Variants in AKR1C3 observed in about 807,000 individuals in gnomAD.
AKR1C3 encodes the protein aldo-keto reductase family 1 member C3.
In AKR1C3, 48 loss-of-function variants were observed where a neutral mutation model predicts 43.6. The ratio of observed to expected loss-of-function variants is 1.10; its 90% CI spans 0.87 to 1.40. The LOEUF (loss-of-function observed/expected upper bound fraction) is 1.40. Ranked by LOEUF, AKR1C3 falls within the 40% of genes most tolerant of loss-of-function variation. AKR1C3 has a pLI of 0.00. For synonymous variants in AKR1C3, 162 were observed against 139.6 expected, an observed-to-expected ratio of 1.16 and a Z score of -1.13; for missense variants, 482 against 391.2, an observed-to-expected ratio of 1.23 and a Z score of -1.96.
At chr10:5,102,259 T>C in intron 6 of AKR1C3, 49 bp downstream of exon 6, 1 of 1,588,714 alleles carries the variant, frequency 6.3e-7, no homozygotes, top group Non-Finnish European at 8.6e-7. Flanking sequence ...TTGCAGAAAA[T>C]TTTTTAGTCA....
intron 1 of AKR1C3, among the ~76,000 whole-genome samples, chr10:5,067,837 T>C (rs1244685406): frequency 1.3e-5 from 2 of 152,170 alleles, no homozygotes; most frequent in Admixed American, 6.5e-5. Context: ...GAACTTTTAA[T>C]AATAAATGCT....
In AKR1C3 at chr10:5,051,634, G is replaced by C. The variant is rs568188970; in HGVS notation, c.84+2739G>C. Among the ~76,000 whole-genome samples, 299 of 152,206 alleles carry C rather than the reference G, an allele frequency of 2.0e-3. 2 individuals are homozygous for C. The highest frequency in any genetic ancestry group is 6.3e-3 in the African/African-American group (263 of 41,518). On this transcript the variant is annotated intron_variant, in intron 1 of 8. Coordinates refer to the AKR1C3 transcript ENST00000439082. ...CATTATTCTTTCTTTCTTCAGTCTT[G>C]CTGGACACCCTGATTATCCATTTTC...
At chr10:5,083,355 G>C (rs1437445293) in intron 1 of AKR1C3, among the ~76,000 whole-genome samples, 1 of 152,052 alleles carries the variant, frequency 6.6e-6, no homozygotes, top group Non-Finnish European at 1.5e-5. Context: ...GTGATAGTTG[G>C]CTGAGAATGA....
At chr10:5,091,754 C>G (rs1839094808), upstream of AKR1C3, among the ~76,000 whole-genome samples, 1 of 152,104 alleles carries the variant, frequency 6.6e-6, no homozygotes, top group South Asian at 2.1e-4. Context: ...CAAATTTATA[C>G]ATTGTGTACA....
At chr10:5,071,680 G>A (rs1588339367) in intron 1 of AKR1C3, among the ~76,000 whole-genome samples, 3 of 152,242 alleles carry the variant, frequency 2.0e-5, no homozygotes, top group Admixed American at 6.5e-5. Flanking sequence ...GAAAACTCAC[G>A]GCTTCCAAAA....
chr10:5,107,460 GT>G lies in AKR1C3; in HGVS notation c.933del (p.Phe311LeufsTer20). The G allele has an allele frequency of 1.3e-6, 2 of 1,570,042 alleles. No homozygotes were observed. The highest frequency in any genetic ancestry group is 1.8e-6 in the Non-Finnish European group (2 of 1,140,536). On this transcript the variant is annotated frameshift_variant and splice_region_variant, in exon 9 of 9. Transcript: ENST00000380554. LOFTEE classifies it low-confidence loss of function (END_TRUNC). ...TATATTATACATTATTCTCTTTTCA[GT>G]TTTGCTAGCCACCCTAATTATCCAT... ...DRNLHYFNSD[S>X]FASHPNYPYS...
At chr10:5,084,940 T>A (rs1356599459) in intron 1 of AKR1C3, among the ~76,000 whole-genome samples, 67 of 152,182 alleles carry the variant, frequency 4.4e-4, no homozygotes, top group Admixed American at 7.9e-4. Flanking sequence ...ATCCTGAGAC[T>A]TTGCTGAAGT....
Position 5,102,215 on chromosome 10 carries a change from TAAA to T in AKR1C3, c.680+8_680+10del. ...ATCTCAACGAGACAAACGATGGTAA[TAAA>T]AACAATGGGACCTTTACATAAACCT... On this transcript the variant is annotated splice_donor_region_variant and intron_variant, in intron 6 of 8. Transcript: ENST00000380554. 1 of 1,609,326 alleles carries T rather than the reference TAAA, an allele frequency of 6.2e-7. No homozygotes were observed.
intron 1 of AKR1C3, among the ~76,000 whole-genome samples, chr10:5,095,172 A>T (rs1456315647): frequency 2.6e-5 from 4 of 152,262 alleles, no homozygotes; most frequent in Middle Eastern, 3.4e-3. Context: ...TCAAAGTGGT[A>T]GGAGTGGTCT....
intron 1 of AKR1C3, among the ~76,000 whole-genome samples, chr10:5,083,037 G>C (rs1466147219): frequency 6.6e-6 from 1 of 151,816 alleles, no homozygotes; most frequent in Admixed American, 6.6e-5. Context: ...TCAATGTTGG[G>C]AGGTTGTGTG....
At chr10:5,086,447 G>T (rs1470894697) in intron 1 of AKR1C3, among the ~76,000 whole-genome samples, 42 of 151,712 alleles carry the variant, frequency 2.8e-4, no homozygotes, top group East Asian at 3.9e-4. Flanking sequence ...GAGACAGTTT[G>T]TTATAATTTC....
intron 1 of AKR1C3, among the ~76,000 whole-genome samples, chr10:5,074,162 A>G (rs1039190335): frequency 1.1e-4 from 17 of 152,236 alleles, no homozygotes; most frequent in African/African-American, 4.1e-4. Context: ...TTCATCATAC[A>G]TGTGTTGATT....
At chr10:5,083,909 AC>A (rs1470333366) in intron 1 of AKR1C3, among the ~76,000 whole-genome samples, 1 of 152,128 alleles carries the variant, frequency 6.6e-6, no homozygotes, top group Non-Finnish European at 1.5e-5. Context: ...TACTTTGCCC[AC>A]TTTTTGATGG....
chr10:5,105,078 T>C (rs587598868), intron 7 of AKR1C3, among the ~76,000 whole-genome samples: 1 of 152,308 alleles, frequency 6.6e-6, no homozygotes, highest in Non-Finnish European at 1.5e-5. Flanking sequence ...TAAGATACAC[T>C]TCAAGCCTGT....
chr10:5,049,239 T>A (rs1209479944), intron 1 of AKR1C3, among the ~76,000 whole-genome samples: 2 of 152,232 alleles, frequency 1.3e-5, no homozygotes, highest in Non-Finnish European at 2.9e-5. Flanking sequence ...GTTTCTCTGT[T>A]TCCTTCTACA....
At chr10:5,101,647 TA>T (rs1393993203) in intron 5 of AKR1C3, among the ~76,000 whole-genome samples, 2 of 152,224 alleles carry the variant, frequency 1.3e-5, no homozygotes, top group African/African-American at 2.4e-5. Flanking sequence ...TGCTCATTCT[TA>T]CCCAATGGGT....
At chr10:5,062,189 C>A (rs1412096766) in intron 1 of AKR1C3, among the ~76,000 whole-genome samples, 1 of 152,200 alleles carries the variant, frequency 6.6e-6, no homozygotes, top group East Asian at 1.9e-4. Context: ...GGCACACTAA[C>A]ACTTTCACTC....
chr10:5,102,470 T>C lies in AKR1C3; in HGVS notation c.681-15T>C, dbSNP rs1839381731. ...GCCAGCCTCAGGGCCTCAGCCTTTCTGCCTTTCCTTCCAGGGTGGACCCGA... is the reference window on the plus strand; with the variant it reads ...GCCAGCCTCAGGGCCTCAGCCTTTCCGCCTTTCCTTCCAGGGTGGACCCGA... On this transcript the variant is annotated splice_polypyrimidine_tract_variant and intron_variant, in intron 6 of 8. Transcript: ENST00000380554. 6 of 1,513,840 alleles carry C rather than the reference T, an allele frequency of 4.0e-6. No homozygotes were observed. The South Asian group carries it at 7.9e-5, about 20-fold the overall frequency. The allele number at this position is 1,513,840 out of a possible 1,614,324, so 93.8% of individuals were successfully genotyped here.
At chr10:5,061,135 G>A (rs1838375212) in intron 1 of AKR1C3, among the ~76,000 whole-genome samples, 1 of 152,208 alleles carries the variant, frequency 6.6e-6, no homozygotes, top group South Asian at 2.1e-4. Flanking sequence ...CAGCCAGTGT[G>A]GGCGCCAAGG....
Sources: allele counts gnomAD v4.1 joint callset (sites outside exome capture counted in the v4.1 genomes callset), GRCh38; gene constraint gnomAD v4.1.1; transcripts MANE v1.5; gene names NCBI Gene and HGNC (gene_info 2026-07-23, HGNC 2026-07-21).